ZNF808: variants seen among roughly 807,000 people sequenced by gnomAD.
ZNF808 encodes the protein zinc finger protein 808.
In ZNF808, 5 loss-of-function variants were observed where a neutral mutation model predicts 8.7. The ratio of observed to expected loss-of-function variants is 0.58; its 90% CI spans 0.30 to 1.21. ZNF808 has a LOEUF of 1.21. ZNF808 is among the 50% of genes most tolerant of loss of function. The pLI, the probability that ZNF808 is intolerant of heterozygous loss-of-function variation, is 0.07. For synonymous variants in ZNF808, 380 were observed against 366.0 expected (o/e 1.04, Z -0.44); for missense variants, 1,103 against 1,098.4 (o/e 1.00, Z -0.06).
chr19:52,549,070 C>T (rs2059750485), intron 4 of ZNF808, among the ~76,000 whole-genome samples: 1 of 152,086 alleles, frequency 6.6e-6, no homozygotes, highest in Non-Finnish European at 1.5e-5. Flanking sequence ...CTCCACATCC[C>T]AGGTCAAGCA....
chr19:52,548,424 A>G (rs934771748), intron 4 of ZNF808, among the ~76,000 whole-genome samples: 1 of 151,910 alleles, frequency 6.6e-6, no homozygotes, highest in African/African-American at 2.4e-5. Flanking sequence ...GTTCATTTCT[A>G]TGTTGTTGTT....
chr19:52,547,892 A>C (rs2059739140), intron 4 of ZNF808, among the ~76,000 whole-genome samples: 1 of 151,972 alleles, frequency 6.6e-6, no homozygotes, highest in Non-Finnish European at 1.5e-5. Flanking sequence ...GGCATGCGCC[A>C]CCATGCCCAG....
In ZNF808 at chr19:52,553,609, C is replaced by G. The variant is rs748865263; in HGVS notation, c.693C>G (p.Phe231Leu). Residue 231 changes from phenylalanine to leucine, a missense_variant, in exon 5 of 5, where the codon TTC (phenylalanine) becomes TTG (leucine). Phe to Leu is a conservative substitution (Grantham distance 22, BLOSUM62 0). Transcript: ENST00000359798. ...KQEVHMREKSFPCNESGKAFN... is the reference protein window; with the variant it reads ...KQEVHMREKSLPCNESGKAFN... ...AAGTACACATGAGAGAAAAATCTTT[C>G]CCATGTAATGAGAGTGGCAAAGCCT... is the stretch of plus-strand genomic sequence containing the variant. The G allele has an allele frequency of 1.2e-6, 2 of 1,614,158 alleles. No individual in the cohort carries two copies. Among genetic ancestry groups the G allele is most frequent in the South Asian group, 1.1e-5 (1 of 91,080 alleles).
chr19:52,532,230 A>G (rs957350867), intron 1 of ZNF808, among the ~76,000 whole-genome samples: 1 of 145,806 alleles, frequency 6.9e-6, no homozygotes, highest in African/African-American at 2.5e-5. Flanking sequence ...TTGTATTAAC[A>G]TTTTTTTTTT....
At chr19:52,562,894 C>G (rs2059862489) in intron 3 of ZNF808, among the ~76,000 whole-genome samples, 1 of 152,080 alleles carries the variant, frequency 6.6e-6, no homozygotes, top group South Asian at 2.1e-4. Flanking sequence ...CTGCCTCACC[C>G]TCCAGAGTAG....
At chr19:52,550,481 C>G (rs1221030912) in intron 4 of ZNF808, among the ~76,000 whole-genome samples, 1 of 151,854 alleles carries the variant, frequency 6.6e-6, no homozygotes, top group African/African-American at 2.4e-5. Context: ...CTACCTACCT[C>G]AGCCTCCCAA....
chr19:52,564,359 CTG>C, exon 4 of ZNF808: 1 of 525,496 alleles, frequency 1.9e-6, no homozygotes, highest in Non-Finnish European at 3.4e-6. Context: ...TTTTTTCTCT[CTG>C]AATCTGTTAT....
intron 3 of ZNF808, among the ~76,000 whole-genome samples, chr19:52,544,268 C>T (rs1032361432): frequency 1.3e-5 from 2 of 152,166 alleles, no homozygotes; most frequent in Non-Finnish European, 2.9e-5. Context: ...CAACTAATCG[C>T]TACTGTAGCC....
At chr19:52,537,690 A>G (rs1727802692) in intron 2 of ZNF808, among the ~76,000 whole-genome samples, 1 of 143,520 alleles carries the variant, frequency 7.0e-6, no homozygotes, top group Admixed American at 6.8e-5. Flanking sequence ...CCTGTCTCAA[A>G]AAAAAAAAAA....
At chr19:52,549,571 T>C (rs1439570894) in intron 4 of ZNF808, among the ~76,000 whole-genome samples, 2 of 152,158 alleles carry the variant, frequency 1.3e-5, no homozygotes, top group Non-Finnish European at 2.9e-5. Context: ...GGTCAATATT[T>C]TAACATTTGC....
chr19:52,559,220 G>T (rs901638615), downstream of ZNF808, among the ~76,000 whole-genome samples: 1 of 152,040 alleles, frequency 6.6e-6, no homozygotes, highest in Non-Finnish European at 1.5e-5. Flanking sequence ...GGAATGTCTC[G>T]GTGTAAAGCC....
At chr19:52,563,031 C>A (rs1261862884) in intron 3 of ZNF808, among the ~76,000 whole-genome samples, 2 of 152,136 alleles carry the variant, frequency 1.3e-5, no homozygotes, top group Non-Finnish European at 2.9e-5. Flanking sequence ...TCCTCTGCCC[C>A]CCAAAGTGCT....
intron 3 of ZNF808, among the ~76,000 whole-genome samples, chr19:52,544,840 G>C (rs1193122083): frequency 2.0e-5 from 3 of 152,128 alleles, no homozygotes; most frequent in African/African-American, 7.2e-5. Context: ...TTGGATTGTA[G>C]TGGCGGCATC....
At chr19:52,565,264 G>A (rs993262347), downstream of ZNF808, among the ~76,000 whole-genome samples, 2 of 152,016 alleles carry the variant, frequency 1.3e-5, no homozygotes, top group African/African-American at 4.8e-5. Context: ...GGCAACAAGA[G>A]CAAAACTCCA....
At chr19:52,558,243 G>A (rs531788551), downstream of ZNF808, among the ~76,000 whole-genome samples, 53 of 151,336 alleles carry the variant, frequency 3.5e-4, no homozygotes, top group Admixed American at 5.3e-4. Flanking sequence ...CCGCCACCGC[G>A]CCTTGTATTT....
chr19:52,555,644 A>C lies in ZNF808; in HGVS notation c.*16A>C. The C allele has an allele frequency of 6.3e-7, 1 of 1,586,132 alleles. No homozygotes were observed. The highest frequency in any genetic ancestry group is 8.6e-7 in the Non-Finnish European group (1 of 1,167,744). On this transcript the variant is annotated 3_prime_UTR_variant, in exon 5 of 5. Transcript: ENST00000359798. ...ATTTGATTAATATAATGATTGTCAC[A>C]AAGTCTTCAGTAACACTACAACAAT...
chr19:52,561,237 T>G (rs866420811), downstream of ZNF808, among the ~76,000 whole-genome samples: 4 of 138,022 alleles, frequency 2.9e-5, no homozygotes, highest in South Asian at 2.4e-4. Context: ...TATATATATA[T>G]ATACACTTTT....
chr19:52,559,374 G>A (rs1252162506), downstream of ZNF808, among the ~76,000 whole-genome samples: 1 of 152,062 alleles, frequency 6.6e-6, no homozygotes, highest in South Asian at 2.1e-4. Flanking sequence ...CCTTTACCTT[G>A]TTTATGACAG....
chr19:52,528,546 G>A (rs1310628712), intron 1 of ZNF808, among the ~76,000 whole-genome samples: 2 of 152,192 alleles, frequency 1.3e-5, no homozygotes, highest in African/African-American at 4.8e-5. Context: ...AAAGCAACTG[G>A]AGAAATGTAG....
Sources: gnomAD v4.1 joint callset for allele counts (sites outside exome capture counted in the v4.1 genomes callset) on GRCh38, gnomAD v4.1.1 for gene constraint, MANE v1.5 for transcripts, NCBI Gene and HGNC (gene_info 2026-07-23, HGNC 2026-07-21) for gene names.